STK33: variants seen among roughly 807,000 people sequenced by gnomAD.
The protein encoded by STK33 is serine/threonine-protein kinase 33.
A neutral mutation model predicts 58.0 loss-of-function variants in STK33; 52 were observed. The observed-to-expected ratio is 0.90, with a 90% CI of 0.72 to 1.13. The LOEUF is 1.13. STK33 is among the 50% of genes most tolerant of loss of function. The pLI, the probability that STK33 is intolerant of heterozygous loss-of-function variation, is 0.00. For synonymous variants in STK33, 215 were observed against 200.1 expected, an observed-to-expected ratio of 1.07 and a Z score of -0.63; for missense variants, 630 against 604.2, an observed-to-expected ratio of 1.04 and a Z score of -0.45.
intron 1 of STK33, among the ~76,000 whole-genome samples, chr11:8,516,501 A>G (rs1431631341): frequency 6.6e-6 from 1 of 152,224 alleles, no homozygotes; most frequent in Non-Finnish European, 1.5e-5. Flanking sequence ...GGCTTGTCAG[A>G]CAGAGGGTGC....
chr11:8,530,717 T>C (rs534722901), intron 1 of STK33, among the ~76,000 whole-genome samples: 9 of 152,192 alleles, frequency 5.9e-5, no homozygotes, highest in Non-Finnish European at 1.2e-4. Context: ...TGAGACAGAC[T>C]CTTGCTCTGT....
chr11:8,496,112 GA>G (rs1274640090), intron 1 of STK33, among the ~76,000 whole-genome samples: 5 of 148,556 alleles, frequency 3.4e-5, no homozygotes, highest in Admixed American at 1.3e-4. Context: ...AATTTTTTTT[GA>G]AAAAGAAAAG....
intron 1 of STK33, among the ~76,000 whole-genome samples, chr11:8,588,729 A>G (rs1246458972): frequency 6.6e-6 from 1 of 152,192 alleles, no homozygotes; most frequent in East Asian, 1.9e-4. Flanking sequence ...TAAAAAGACA[A>G]TCTACAAAAT....
chr11:8,468,205 A>T (rs1303776694), intron 6 of STK33, among the ~76,000 whole-genome samples: 1 of 151,908 alleles, frequency 6.6e-6, no homozygotes, highest in Non-Finnish European at 1.5e-5. Flanking sequence ...GTGCAGAGAA[A>T]CTCCCATTTT....
intron 15 of STK33, among the ~76,000 whole-genome samples, chr11:8,402,337 C>T (rs1590770406): frequency 6.6e-6 from 1 of 152,112 alleles, no homozygotes; most frequent in East Asian, 1.9e-4. Flanking sequence ...AAGCTGGAAA[C>T]CATCATTCTC....
rs576745586 is a variant in STK33, at chr11:8,492,539, G to A, written c.-465-11925C>T. On this transcript the variant is annotated intron_variant, in intron 1 of 15. Coordinates refer to ENST00000687296, the MANE Select transcript of STK33 (RefSeq NM_001352389.2). ...CACTGTCAATATTAGACAGATCAACGAGACAGAAAGTTAACAAGGATATCC... is the reference window on the plus strand; with the variant it reads ...CACTGTCAATATTAGACAGATCAACAAGACAGAAAGTTAACAAGGATATCC... Among the ~76,000 whole-genome samples the A allele has an allele frequency of 6.6e-5, 10 of 152,148 alleles. No individual in the cohort carries two copies. The South Asian group carries it at 1.2e-3, about 19-fold the overall frequency.
At chr11:8,587,880 C>A (rs771305857) in intron 1 of STK33, among the ~76,000 whole-genome samples, 1 of 152,222 alleles carries the variant, frequency 6.6e-6, no homozygotes, top group Admixed American at 6.5e-5. Context: ...AGCTTACATC[C>A]TCAACAGGCC....
At chr11:8,540,740 G>C (rs1445643339) in intron 1 of STK33, among the ~76,000 whole-genome samples, 3 of 152,116 alleles carry the variant, frequency 2.0e-5, no homozygotes, top group Non-Finnish European at 4.4e-5. Flanking sequence ...TGGATGGGCA[G>C]GGGGCGGGAG....
Position 8,435,514 on chromosome 11 carries a change from G to A in STK33, c.1126C>T (p.Leu376=), listed in dbSNP as rs1010050440. The A allele has an allele frequency of 2.7e-6, 4 of 1,488,484 alleles. No homozygotes were observed. The African/African-American group carries it at 4.2e-5, about 15-fold the overall frequency. 92.2% of individuals were successfully genotyped at this position (1,488,484 alleles called of 1,614,324 possible). ...PAHRITAKEL[L]DNQWLTGNKL... ...CTTACTGTTAACCACTGGTTATCTA[G>A]TAGTTCCTTAGCTGTGATTCTGTGA... Residue 376 remains leucine (L), a synonymous_variant, in exon 14 of 16, where the codon CTA becomes TTA. Transcript: ENST00000687296.
chr11:8,517,509 G>A (rs188906958), intron 1 of STK33, among the ~76,000 whole-genome samples: 1 of 152,332 alleles, frequency 6.6e-6, no homozygotes, highest in African/African-American at 2.4e-5. Context: ...GAGAGAAGAA[G>A]GCTTCAGACG....
intron 15 of STK33, among the ~76,000 whole-genome samples, chr11:8,393,919 G>A (rs908673005): frequency 6.6e-6 from 1 of 152,124 alleles, no homozygotes; most frequent in Non-Finnish European, 1.5e-5. Context: ...CCTGATGTTT[G>A]CTTGCTGAAG....
intron 15 of STK33, among the ~76,000 whole-genome samples, chr11:8,407,969 G>A (rs956029862): frequency 6.6e-6 from 1 of 151,978 alleles, no homozygotes; most frequent in African/African-American, 2.4e-5. Flanking sequence ...ACATATAAGT[G>A]AAGAACATTT....
rs543205311 is a variant in STK33, at chr11:8,412,865, T to C, written c.1344+630A>G. Among the ~76,000 whole-genome samples, 3 of 152,304 alleles carry C rather than the reference T, an allele frequency of 2.0e-5. No individual in the cohort carries two copies. In the East Asian group the frequency reaches 5.8e-4, roughly 29 times the overall value. The stretch of plus-strand genomic sequence containing the variant: ...TTTGTCAGGATATCCAGTTAACGGA[T>C]CACAATCTAGAACTAATCAAAATGT... On this transcript the variant is annotated intron_variant, in intron 15 of 15. Transcript: ENST00000687296.
At position 8,536,157 on chromosome 11, in the gene STK33, TTAGA is replaced by T. The variant is rs1295078910; in HGVS notation, c.-465-55547_-465-55544del. 2.6e-5 allele frequency among the ~76,000 whole-genome samples: 4 copies of T among 152,114 alleles called. No homozygotes were observed. The East Asian group carries it at 5.8e-4, about 22-fold the overall frequency. On this transcript the variant is annotated intron_variant, in intron 1 of 15. Coordinates refer to ENST00000687296, the MANE Select transcript of STK33 (RefSeq NM_001352389.2). ...TGAATTAAAGGGTACAAACATACAGTTAGATAGAAGAAATAAATTCAATGTTTGA... is the reference window on the plus strand; with the variant it reads ...TGAATTAAAGGGTACAAACATACAGTTAGAAGAAATAAATTCAATGTTTGA...
intron 9 of STK33, among the ~76,000 whole-genome samples, chr11:8,455,742 C>T (rs996930967): frequency 7.8e-6 from 1 of 128,614 alleles, no homozygotes; most frequent in Non-Finnish European, 1.6e-5. Flanking sequence ...GGCTGGGAGG[C>T]GGAGCTTGCA....
intron 1 of STK33, among the ~76,000 whole-genome samples, chr11:8,530,222 G>T (rs1360595135): frequency 6.6e-6 from 1 of 151,640 alleles, no homozygotes; most frequent in Non-Finnish European, 1.5e-5. Flanking sequence ...TACCACACTG[G>T]TTTTTTTTAC....
chr11:8,541,261 C>A (rs1055700862), intron 1 of STK33, among the ~76,000 whole-genome samples: 3 of 152,028 alleles, frequency 2.0e-5, no homozygotes, highest in Admixed American at 1.3e-4. Flanking sequence ...AGAGGCTTTT[C>A]ATCTCTCCTT....
At chr11:8,472,251 T>C (rs1948846371) in intron 6 of STK33, among the ~76,000 whole-genome samples, 1 of 101,228 alleles carries the variant, frequency 9.9e-6, no homozygotes, top group Non-Finnish European at 2.2e-5. Flanking sequence ...TAAAACTTGG[T>C]AAACTTGTGT....
chr11:8,393,613 A>T (rs1050905241), intron 15 of STK33, among the ~76,000 whole-genome samples: 2 of 152,240 alleles, frequency 1.3e-5, no homozygotes, highest in African/African-American at 4.8e-5. Context: ...GTTTACAGAG[A>T]ATGATCGAGG....
Sources: allele counts gnomAD v4.1 joint callset (sites outside exome capture counted in the v4.1 genomes callset), GRCh38; gene constraint gnomAD v4.1.1; transcripts MANE v1.5; gene names NCBI Gene and HGNC (gene_info 2026-07-23, HGNC 2026-07-21).